SPIRE1: variants seen among roughly 807,000 people sequenced by gnomAD.
The protein encoded by SPIRE1 is spire type actin nucleation factor 1.
In SPIRE1, 40 loss-of-function variants were observed where a neutral mutation model predicts 94.1. The ratio of observed to expected loss-of-function variants is 0.43; its 90% CI spans 0.33 to 0.55. The LOEUF (loss-of-function observed/expected upper bound fraction) is 0.55. Among genes scored for constraint, SPIRE1 ranks in the 20% least tolerant of loss-of-function variants. The pLI is 0.06. For synonymous variants in SPIRE1, 376 were observed against 371.7 expected, an observed-to-expected ratio of 1.01 and a Z score of -0.13; for missense variants, 838 against 975.2, an observed-to-expected ratio of 0.86 and a Z score of 1.87.
At chr18:12,518,559 T>C (rs912718145) in intron 4 of SPIRE1, among the ~76,000 whole-genome samples, 4 of 151,754 alleles carry the variant, frequency 2.6e-5, no homozygotes, top group African/African-American at 9.7e-5. Context: ...GTCTCATGCC[T>C]GTAGTCCCAA....
chr18:12,630,457 G>A (rs949047091), intron 2 of SPIRE1, among the ~76,000 whole-genome samples: 3 of 152,152 alleles, frequency 2.0e-5, no homozygotes, highest in South Asian at 2.1e-4. Flanking sequence ...TTCCGAGTTC[G>A]AGACCAGCCT....
chr18:12,470,554 T>G (rs571245083), intron 10 of SPIRE1, among the ~76,000 whole-genome samples: 1 of 152,126 alleles, frequency 6.6e-6, no homozygotes, highest in Admixed American at 6.5e-5. Context: ...TTGGGTAACT[T>G]AGACACTCAG....
intron 10 of SPIRE1, among the ~76,000 whole-genome samples, chr18:12,478,006 G>C (rs2032672820): frequency 6.6e-6 from 1 of 152,034 alleles, no homozygotes; most frequent in African/African-American, 2.4e-5. Flanking sequence ...GAGCCAAGAA[G>C]AAAGTCAGAT....
intron 3 of SPIRE1, among the ~76,000 whole-genome samples, chr18:12,543,017 G>A (rs546676882): frequency 6.6e-6 from 1 of 152,116 alleles, no homozygotes; most frequent in South Asian, 2.1e-4. Context: ...TAGTAGAGAT[G>A]GGGTTTCACT....
chr18:12,483,359 G>A (rs771512609), intron 9 of SPIRE1, among the ~76,000 whole-genome samples: 2 of 151,966 alleles, frequency 1.3e-5, no homozygotes, highest in Admixed American at 6.6e-5. Flanking sequence ...CAAAACACTT[G>A]GATAGGCTTT....
At chr18:12,648,935 C>T in intron 1 of SPIRE1, among the ~76,000 whole-genome samples, 1 of 142,208 alleles carries the variant, frequency 7.0e-6, no homozygotes, top group Admixed American at 7.2e-5. Context: ...AATAGAAAAA[C>T]TGGGGAAACC....
intron 4 of SPIRE1, among the ~76,000 whole-genome samples, chr18:12,530,926 C>T (rs1040446738): frequency 1.3e-5 from 2 of 152,082 alleles, no homozygotes; most frequent in East Asian, 1.9e-4. Context: ...ACACTCTCAA[C>T]GTGGAGGCAA....
intron 10 of SPIRE1, among the ~76,000 whole-genome samples, chr18:12,465,772 T>C (rs1040118331): frequency 8.5e-5 from 13 of 152,092 alleles, no homozygotes; most frequent in Admixed American, 7.2e-4. Flanking sequence ...TCATGAAATG[T>C]CATATGAGTC....
intron 9 of SPIRE1, among the ~76,000 whole-genome samples, chr18:12,483,062 T>C (rs1255661975): frequency 6.6e-6 from 1 of 150,894 alleles, no homozygotes; most frequent in Non-Finnish European, 1.5e-5. Context: ...CACCTCAGCC[T>C]CCCAAGTAGC....
At chr18:12,529,066 C>T (rs79427597) in intron 4 of SPIRE1, among the ~76,000 whole-genome samples, 2,076 of 152,124 alleles carry the variant, frequency 0.014, 23 homozygotes, top group Non-Finnish European at 0.022. Context: ...AATAGGGCAA[C>T]GCGATTAAAA....
chr18:12,495,530 T>C lies in SPIRE1; in HGVS notation c.1059+486A>G, dbSNP rs12455957. ...TTTTGCACCATGACCCAGGTTGTTT[T>C]GAGTAAAAGTATCCTAAGACAGCCT... On this transcript the variant is annotated intron_variant, in intron 7 of 16. Transcript: ENST00000409402. 6.1e-3 allele frequency among the ~76,000 whole-genome samples: 922 copies of C among 152,300 alleles called. 26 individuals carry two copies. Among genetic ancestry groups the C allele is most frequent in the Admixed American group, 0.053 (816 of 15,308 alleles).
At chr18:12,529,266 G>A (rs1200448533) in intron 4 of SPIRE1, among the ~76,000 whole-genome samples, 2 of 152,102 alleles carry the variant, frequency 1.3e-5, no homozygotes, top group African/African-American at 2.4e-5. Flanking sequence ...CTACTCTGGA[G>A]GCTGAAGCAG....
At chr18:12,452,182 C>T in intron 16 of SPIRE1, 73 bp downstream of exon 16, 1 of 1,590,350 alleles carries the variant, frequency 6.3e-7, no homozygotes, top group Admixed American at 1.7e-5. Context: ...AACCCTAACA[C>T]TCTACCACAG....
intron 10 of SPIRE1, among the ~76,000 whole-genome samples, chr18:12,473,089 C>T (rs1449163091): frequency 1.3e-5 from 2 of 152,116 alleles, no homozygotes; most frequent in African/African-American, 4.8e-5. Flanking sequence ...GCCACCACAC[C>T]CAGCCAAATT....
At chr18:12,655,695 CA>C (rs11431148) in intron 1 of SPIRE1, among the ~76,000 whole-genome samples, 1 of 150,112 alleles carries the variant, frequency 6.7e-6, no homozygotes, top group Non-Finnish European at 1.5e-5. Flanking sequence ...AGATTCAGAC[CA>C]AAAAAAAAGA....
rs1402479789 is a variant in SPIRE1 at position 12,454,329 on chromosome 18, A to T, written c.1776+17T>A. The T allele has an allele frequency of 6.2e-7, 1 of 1,613,930 alleles. No individual in the cohort carries two copies. Among genetic ancestry groups the T allele is most frequent in the South Asian group, 1.1e-5 (1 of 91,050 alleles). On this transcript the variant is annotated intron_variant, in intron 13 of 16. Coordinates refer to ENST00000409402, the MANE Select transcript of SPIRE1 (RefSeq NM_001128626.2). ...ATCCTTCTACTCTTCTGATCAATCA[A>T]CTTTAAACAGCACTACCTTTCCTTT... is the stretch of plus-strand genomic sequence containing the variant.
intron 4 of SPIRE1, chr18:12,516,183 C>A (rs1171392438): frequency 6.6e-6 from 1 of 152,194 alleles, no homozygotes; most frequent in Admixed American, 6.5e-5. Flanking sequence ...GCTCCTTCCT[C>A]TGATAAAGAT....
At chr18:12,508,850 A>AT (rs2033929429) in intron 5 of SPIRE1, among the ~76,000 whole-genome samples, 1 of 151,790 alleles carries the variant, frequency 6.6e-6, no homozygotes, top group Admixed American at 6.6e-5. Context: ...AATTTTTTGT[A>AT]TTTTCAGTAG....
intron 2 of SPIRE1, among the ~76,000 whole-genome samples, chr18:12,577,183 T>G (rs1293137461): frequency 6.6e-6 from 1 of 152,144 alleles, no homozygotes; most frequent in Admixed American, 6.6e-5. Flanking sequence ...AGTCTAGCTC[T>G]GTCACCCAGG....
Sources: allele counts gnomAD v4.1 joint callset (sites outside exome capture counted in the v4.1 genomes callset), GRCh38; gene constraint gnomAD v4.1.1; transcripts MANE v1.5; gene names NCBI Gene and HGNC (gene_info 2026-07-23, HGNC 2026-07-21).